The following LPCAT3 variants were observed in gnomAD, a reference collection of about 807,000 sequenced individuals.
The protein encoded by LPCAT3 is lysophosphatidylcholine acyltransferase 3.
In LPCAT3, 21 loss-of-function variants were observed where a neutral mutation model predicts 63.4. The ratio of observed to expected loss-of-function variants is 0.33; its 90% CI spans 0.23 to 0.48. The LOEUF is 0.48. Ranked by LOEUF, LPCAT3 falls within the 20% of genes least tolerant of loss-of-function variation. The pLI is 0.99. For missense variants in LPCAT3, 451 were observed against 590.6 expected (o/e 0.76, Z 2.45); for synonymous variants, 242 against 227.5 (o/e 1.06, Z -0.58).
intron 1 of LPCAT3, among the ~76,000 whole-genome samples, chr12:6,989,520 G>T (rs1448809848): frequency 6.6e-5 from 10 of 151,832 alleles, no homozygotes; most frequent in African/African-American, 1.9e-4. Context: ...CCGTGGTCTC[G>T]ATCTCCTGAC....
rs1335664782 is a variant in LPCAT3, at chr12:7,018,208, G to A, written c.151+66C>T. The A allele has an allele frequency of 9.7e-6, 15 of 1,544,676 alleles. No homozygotes were observed. Among genetic ancestry groups the A allele is most frequent in the Admixed American group, 2.0e-5 (1 of 51,038 alleles). On this transcript the variant is annotated intron_variant, in intron 1 of 12. Transcript: ENST00000261407. This position sits in a 1 kb window ranked among gnomAD's most constrained non-coding sequence, Gnocchi z 4.9. ...GGCTCCGGGAAGAGAGGGAGGTCCTGTCCCCATTCCTCCCCTACTCCCCGG... is the reference window on the plus strand; with the variant it reads ...GGCTCCGGGAAGAGAGGGAGGTCCTATCCCCATTCCTCCCCTACTCCCCGG...
intron 1 of LPCAT3, among the ~76,000 whole-genome samples, chr12:7,010,442 G>C (rs782337753): frequency 6.6e-6 from 1 of 152,250 alleles, no homozygotes; most frequent in South Asian, 2.1e-4. Context: ...CTGAGACAAG[G>C]CCTCACTCCT....
chr12:6,978,501 C>T lies in LPCAT3; in HGVS notation c.880G>A (p.Val294Ile). 6.2e-7 allele frequency: 1 copy of T among 1,612,924 alleles called. No individual in the cohort carries two copies. Among genetic ancestry groups the T allele is most frequent in the African/African-American group, 1.3e-5 (1 of 75,032 alleles). ...AAGCCCAGGCCCGTCAAAATGCATA[C>T]TCCTTCCTGAGAGGGAATAGCTCAG... ...YVTCWLVTEGVCILTGLGFNG... is the reference protein window; with the variant it reads ...YVTCWLVTEGICILTGLGFNG... The change falls in exon 9 of 13, where the codon GTA becomes ATA. Residue 294 changes from valine to isoleucine, a missense_variant. Val to Ile is a conservative substitution (Grantham distance 29, BLOSUM62 3). This residue lies in a region of LPCAT3 where 304 missense variants were observed against 390.8 expected (regional missense o/e 0.78). Coordinates refer to ENST00000261407, the MANE Select transcript of LPCAT3 (RefSeq NM_005768.6).
At chr12:7,008,965 A>T (rs1164798509) in intron 1 of LPCAT3, among the ~76,000 whole-genome samples, 1 of 152,238 alleles carries the variant, frequency 6.6e-6, no homozygotes, top group Non-Finnish European at 1.5e-5. Context: ...ACTTTAAGCA[A>T]GTTACTCAAT....
chr12:7,001,645 G>A (rs918229638), intron 1 of LPCAT3, among the ~76,000 whole-genome samples: 2 of 152,168 alleles, frequency 1.3e-5, no homozygotes, highest in African/African-American at 4.8e-5. Flanking sequence ...GATGTGAGGT[G>A]CAAGGGGTGG....
At chr12:6,982,920 G>A (rs1946485572) in intron 2 of LPCAT3, 138 bp from the exon 3 acceptor site, 9 of 670,596 alleles carry the variant, frequency 1.3e-5, no homozygotes, top group Non-Finnish European at 2.4e-5. Context: ...TTTTGGAGGA[G>A]AGGATGGAAA....
At chr12:7,007,877 G>A (rs1304953263) in intron 1 of LPCAT3, among the ~76,000 whole-genome samples, 6 of 152,190 alleles carry the variant, frequency 3.9e-5, no homozygotes, top group African/African-American at 1.2e-4. Flanking sequence ...ATGACTTCAT[G>A]TGAGCCAAGA....
At chr12:7,013,507 T>C (rs782038005) in intron 1 of LPCAT3, among the ~76,000 whole-genome samples, 23 of 152,220 alleles carry the variant, frequency 1.5e-4, no homozygotes, top group African/African-American at 5.3e-4. Context: ...TGATGGAGAA[T>C]AGTAGATGGA....
chr12:6,986,213 CACTGCT>C (rs1406499581), intron 1 of LPCAT3, among the ~76,000 whole-genome samples: 2 of 152,182 alleles, frequency 1.3e-5, no homozygotes, highest in Non-Finnish European at 2.9e-5. Flanking sequence ...CTGCCTCTGC[CACTGCT>C]GAGATGGCAA....
At chr12:7,009,703 A>G (rs1946749077) in intron 1 of LPCAT3, among the ~76,000 whole-genome samples, 1 of 152,228 alleles carries the variant, frequency 6.6e-6, no homozygotes, top group African/African-American at 2.4e-5. Flanking sequence ...GTGTTTACAT[A>G]GTTTATCTTA....
At chr12:7,007,808 T>C (rs1488598180) in intron 1 of LPCAT3, among the ~76,000 whole-genome samples, 4 of 152,198 alleles carry the variant, frequency 2.6e-5, no homozygotes, top group African/African-American at 9.6e-5. Flanking sequence ...ACAAAAGCTT[T>C]TTATTTTTAA....
intron 1 of LPCAT3, among the ~76,000 whole-genome samples, chr12:7,011,472 C>G (rs1223728241): frequency 1.3e-5 from 2 of 151,642 alleles, no homozygotes; most frequent in Non-Finnish European, 2.9e-5. Flanking sequence ...ACGGTAAAAC[C>G]CTGTTTCTAC....
chr12:6,993,483 T>A (rs1192611322), intron 1 of LPCAT3, among the ~76,000 whole-genome samples: 2 of 152,204 alleles, frequency 1.3e-5, no homozygotes, highest in East Asian at 3.9e-4. Context: ...TCTATCTAAT[T>A]TCAGAATATC....
chr12:7,016,709 T>C (rs1555157637), intron 1 of LPCAT3, among the ~76,000 whole-genome samples: 1 of 152,198 alleles, frequency 6.6e-6, no homozygotes. Context: ...TAATTGCTAA[T>C]TACAATGTCA....
chr12:6,980,902 G>T (rs1166164310), intron 6 of LPCAT3, 102 bp downstream of exon 6: 1 of 1,212,896 alleles, frequency 8.2e-7, no homozygotes, highest in African/African-American at 1.6e-5. Flanking sequence ...CATGACTCAG[G>T]TCTCTATGCC....
chr12:7,005,085 G>A (rs1555156781), intron 1 of LPCAT3, among the ~76,000 whole-genome samples: 2 of 152,102 alleles, frequency 1.3e-5, no homozygotes, highest in African/African-American at 2.4e-5. Context: ...CCGCATAGTG[G>A]CCATTCCCAA....
chr12:6,990,567 T>TA (rs1565601311), intron 1 of LPCAT3, among the ~76,000 whole-genome samples: 156 of 120,766 alleles, frequency 1.3e-3, no homozygotes, highest in East Asian at 2.2e-3. Context: ...ATAAATAAAT[T>TA]GAGCACCCCA....
In LPCAT3 at chr12:6,977,850, G is replaced by T; in HGVS notation, c.1041-105C>A. 1.5e-6 allele frequency: 2 copies of T among 1,343,454 alleles called. No individual in the cohort carries two copies. The highest frequency in any genetic ancestry group is 1.1e-6 in the Non-Finnish European group (1 of 952,268). The allele number at this position is 1,343,454 out of a possible 1,614,324, so 83.2% of individuals were successfully genotyped here. ...GAGGATTGGATTGGAGTGCTGGTGGGTTCCCACGTGTAGCCCCCAGAGGGT... is the reference window on the plus strand; with the variant it reads ...GAGGATTGGATTGGAGTGCTGGTGGTTTCCCACGTGTAGCCCCCAGAGGGT... On this transcript the variant is annotated intron_variant, in intron 9 of 12. Coordinates refer to ENST00000261407, the MANE Select transcript of LPCAT3 (RefSeq NM_005768.6). The surrounding 1 kb of genome is among the most constrained non-coding windows in gnomAD (Gnocchi z 4.5).
intron 1 of LPCAT3, among the ~76,000 whole-genome samples, chr12:7,004,952 A>AT (rs1367989684): frequency 1.1e-4 from 16 of 151,936 alleles, no homozygotes; most frequent in Admixed American, 1.0e-3. Flanking sequence ...TTCTTTCTTC[A>AT]TTTTTTTAAG....
Sources: allele counts gnomAD v4.1 joint callset (sites outside exome capture counted in the v4.1 genomes callset), GRCh38; gene constraint gnomAD v4.1.1; regional missense constraint gnomAD v4.1.1; non-coding constraint Gnocchi (gnomAD v3.1); transcripts MANE v1.5; gene names NCBI Gene and HGNC (gene_info 2026-07-23, HGNC 2026-07-21).